The following SOBP variants were observed in gnomAD, a reference collection of about 807,000 sequenced individuals.
SOBP encodes sine oculis-binding protein homolog.
A neutral mutation model predicts 53.6 loss-of-function variants in SOBP; 4 were observed. That is an observed-to-expected ratio of 0.07 (90% CI 0.04 to 0.17). The LOEUF (loss-of-function observed/expected upper bound fraction) is 0.17. Ranked by LOEUF, SOBP falls within the 10% of genes least tolerant of loss-of-function variation. The pLI, the probability that SOBP is intolerant of heterozygous loss-of-function variation, is 1.00. For synonymous variants in SOBP, 584 were observed against 522.6 expected (o/e 1.12, Z -1.60); for missense variants, 1,088 against 1,204.7 (o/e 0.90, Z 1.43).
chr6:107,617,820 CTTTTTTTTT>C (rs71551315), intron 5 of SOBP, among the ~76,000 whole-genome samples: 1,030 of 101,204 alleles, frequency 0.01, 18 homozygotes, highest in East Asian at 0.088. Flanking sequence ...TGTATGACTC[CTTTTTTTTT>C]TTTTTTTTTT....
intron 6 of SOBP, among the ~76,000 whole-genome samples, chr6:107,652,399 G>T (rs143590336): frequency 1.7e-4 from 26 of 152,288 alleles, no homozygotes; most frequent in African/African-American, 5.8e-4. Flanking sequence ...AATTACAAGG[G>T]GAACCTAAAT....
chr6:107,494,003 C>T (rs978579235), intron 1 of SOBP, among the ~76,000 whole-genome samples: 43 of 152,186 alleles, frequency 2.8e-4, no homozygotes, highest in African/African-American at 1.0e-3. Context: ...GCATAGCTTG[C>T]TTGTAGTGTA....
rs144546694 is a variant in SOBP, at chr6:107,614,222, C to T, written c.670-19292C>T. ...TTAGAGACCAGTCTGGGCAATATAGCGAGATCCCATCTCTACAAAAAAATT... is the reference window on the plus strand; with the variant it reads ...TTAGAGACCAGTCTGGGCAATATAGTGAGATCCCATCTCTACAAAAAAATT... On this transcript the variant is annotated intron_variant, in intron 5 of 6. Transcript: ENST00000317357. 5.2e-3 allele frequency among the ~76,000 whole-genome samples: 784 copies of T among 152,208 alleles called. 7 individuals are homozygous for T. The highest frequency in any genetic ancestry group is 0.018 in the African/African-American group (756 of 41,524).
intron 6 of SOBP, among the ~76,000 whole-genome samples, chr6:107,654,885 T>C (rs1562130105): frequency 7.6e-6 from 1 of 131,538 alleles, no homozygotes; most frequent in Non-Finnish European, 1.6e-5. Flanking sequence ...CTGAGGAACA[T>C]GGAAGAGGAA....
At chr6:107,625,483 A>G (rs914145654) in intron 5 of SOBP, among the ~76,000 whole-genome samples, 1 of 152,240 alleles carries the variant, frequency 6.6e-6, no homozygotes, top group Non-Finnish European at 1.5e-5. Context: ...GAGCAGCTGC[A>G]GACTTTTGAA....
intron 4 of SOBP, among the ~76,000 whole-genome samples, chr6:107,582,930 G>A (rs12195397): frequency 0.099 from 15,134 of 152,172 alleles, 780 homozygotes; most frequent in Middle Eastern, 0.14. Context: ...GCTAAAAGTT[G>A]GTCTGCTTTA....
intron 5 of SOBP, among the ~76,000 whole-genome samples, chr6:107,598,461 C>T (rs1053590075): frequency 6.6e-5 from 10 of 152,176 alleles, no homozygotes; most frequent in Non-Finnish European, 1.3e-4. Context: ...GAGAGGGGTG[C>T]GCATCATGCA....
At chr6:107,510,388 A>G (rs927297157) in intron 3 of SOBP, among the ~76,000 whole-genome samples, 2 of 152,244 alleles carry the variant, frequency 1.3e-5, no homozygotes, top group Non-Finnish European at 2.9e-5. Context: ...CAAGGAAGGA[A>G]GAACAGCAAG....
chr6:107,501,227 T>A (rs1446861896), intron 1 of SOBP, among the ~76,000 whole-genome samples: 1 of 152,236 alleles, frequency 6.6e-6, no homozygotes, highest in African/African-American at 2.4e-5. Context: ...CCAAATAATG[T>A]GAATTTGGTG....
intron 3 of SOBP, among the ~76,000 whole-genome samples, chr6:107,528,382 G>C (rs1277374400): frequency 6.6e-6 from 1 of 152,184 alleles, no homozygotes. Context: ...TCCATGTTCT[G>C]CTGTGAGCCC....
In SOBP at chr6:107,635,101, C is replaced by A; in HGVS notation, c.2257C>A (p.Pro753Thr). 1 of 1,602,618 alleles carries A rather than the reference C, an allele frequency of 6.2e-7. No homozygotes were observed. Residue 753 changes from proline (P) to threonine (T), a missense_variant, in exon 6 of 7, where the codon CCC (proline) becomes ACC (threonine). By Grantham distance (38) the Pro-to-Thr change is conservative. This residue lies in a region of SOBP where 665 missense variants were observed against 629.7 expected (regional missense o/e 1.06). Transcript: ENST00000317357. This position sits in a 1 kb window ranked among gnomAD's most constrained non-coding sequence, Gnocchi z 4.5. Reference sequence around the variant, plus strand: ...GCCGCCGCCGCCGCCGCCGCCCGCGCCCCCCAAGAAGCTGCTGTCGCCTGA... The same window carrying A: ...GCCGCCGCCGCCGCCGCCGCCCGCGACCCCCAAGAAGCTGCTGTCGCCTGA... ...EQPPPPPPPA[P>T]PKKLLSPEEP...
intron 4 of SOBP, among the ~76,000 whole-genome samples, chr6:107,536,353 G>T (rs2114991874): frequency 6.6e-6 from 1 of 152,334 alleles, no homozygotes; most frequent in South Asian, 2.1e-4. Context: ...CTGCATTTGT[G>T]AATGTAAATT....
At chr6:107,530,715 T>C (rs1051601468) in intron 3 of SOBP, among the ~76,000 whole-genome samples, 1 of 152,092 alleles carries the variant, frequency 6.6e-6, no homozygotes, top group African/African-American at 2.4e-5. Flanking sequence ...CTTTATGAAA[T>C]GGAGTTGTAT....
intron 4 of SOBP, among the ~76,000 whole-genome samples, chr6:107,540,495 A>G (rs1268534460): frequency 6.6e-6 from 1 of 152,238 alleles, no homozygotes; most frequent in Non-Finnish European, 1.5e-5. Flanking sequence ...GTGGCTGTGC[A>G]CACAGTGGAA....
At chr6:107,522,409 TTGG>T (rs1261205505) in intron 3 of SOBP, among the ~76,000 whole-genome samples, 2 of 152,110 alleles carry the variant, frequency 1.3e-5, no homozygotes, top group Non-Finnish European at 2.9e-5. Flanking sequence ...GCAAGAGGTA[TTGG>T]TGGCTTCACT....
intron 5 of SOBP, among the ~76,000 whole-genome samples, chr6:107,609,591 C>A (rs1432246833): frequency 6.6e-6 from 1 of 152,198 alleles, no homozygotes; most frequent in Non-Finnish European, 1.5e-5. Context: ...AAGTCAGTAA[C>A]TGATACATTT....
chr6:107,506,485 C>A, intron 3 of SOBP, 58 bp downstream of exon 3: 1 of 1,579,368 alleles, frequency 6.3e-7, no homozygotes, highest in Non-Finnish European at 8.7e-7. Flanking sequence ...TTTTAACCAT[C>A]TTAGGAATAA....
At chr6:107,538,366 A>G (rs942875608) in intron 4 of SOBP, among the ~76,000 whole-genome samples, 5 of 152,220 alleles carry the variant, frequency 3.3e-5, no homozygotes. Flanking sequence ...CAAAATGGCT[A>G]TCATTCATGA....
intron 4 of SOBP, among the ~76,000 whole-genome samples, chr6:107,552,015 C>T (rs1403929324): frequency 6.6e-6 from 1 of 152,076 alleles, no homozygotes; most frequent in Non-Finnish European, 1.5e-5. Flanking sequence ...AGCAAGACTC[C>T]ATCTCAACAA....
Sources: gnomAD v4.1 joint callset for allele counts (sites outside exome capture counted in the v4.1 genomes callset) on GRCh38, gnomAD v4.1.1 for gene constraint, gnomAD v4.1.1 regional missense constraint, Gnocchi (gnomAD v3.1) non-coding constraint, MANE v1.5 for transcripts, NCBI Gene and HGNC (gene_info 2026-07-23, HGNC 2026-07-21) for gene names.